The following MYO16 variants were observed in gnomAD, a reference collection of about 807,000 sequenced individuals.
The protein encoded by MYO16 is myosin XVI, also known as unconventional myosin-XVI.
A neutral mutation model predicts 205.3 loss-of-function variants in MYO16; 94 were observed. That is an observed-to-expected ratio of 0.46 (90% confidence interval 0.39 to 0.54). The LOEUF (loss-of-function observed/expected upper bound fraction) is 0.54, where lower values mean the gene tolerates loss of function less well. MYO16 is among the 20% of genes least tolerant of loss of function. The probability of loss-of-function intolerance (pLI) is 0.00; values close to 1 mark genes in which losing one functional copy is unlikely to be tolerated. For synonymous variants in MYO16, 988 were observed against 954.0 expected, an observed-to-expected ratio of 1.04 and a Z score of -0.66; for missense variants, 2,315 against 2,387.5, an observed-to-expected ratio of 0.97 and a Z score of 0.63.
At chr13:108,646,133 C>T (rs1338745221) in intron 1 of MYO16, among the ~76,000 whole-genome samples, 3 of 152,140 alleles carry the variant, frequency 2.0e-5, no homozygotes, top group Non-Finnish European at 2.9e-5. Flanking sequence ...AAAGTGGTAG[C>T]TCCCATGAAA....
chr13:109,115,493 A>G (rs1875636348), intron 28 of MYO16, among the ~76,000 whole-genome samples: 1 of 152,204 alleles, frequency 6.6e-6, no homozygotes, highest in African/African-American at 2.4e-5. Context: ...GCACAGGGAG[A>G]GGGCTCAGTT....
chr13:108,690,654 C>A (rs771777879), intron 2 of MYO16, among the ~76,000 whole-genome samples: 36 of 152,172 alleles, frequency 2.4e-4, no homozygotes, highest in Non-Finnish European at 4.3e-4. Flanking sequence ...AATATTTATG[C>A]AACCATTTGT....
chr13:108,584,894 C>T, the MYO16 span, among the ~76,000 whole-genome samples: 2 of 152,078 alleles, frequency 1.3e-5, no homozygotes, highest in African/African-American at 4.8e-5. Flanking sequence ...TTAGAGTTGG[C>T]CCAATAGAGG....
At chr13:108,590,571 G>T in the MYO16 span, among the ~76,000 whole-genome samples, 1 of 152,154 alleles carries the variant, frequency 6.6e-6, no homozygotes, top group African/African-American at 2.4e-5. Flanking sequence ...ATCTAGTTAA[G>T]ATCAAGTCAT....
At chr13:109,031,955 A>G (rs1886559190) in intron 23 of MYO16, among the ~76,000 whole-genome samples, 1 of 152,260 alleles carries the variant, frequency 6.6e-6, no homozygotes, top group Admixed American at 6.5e-5. Flanking sequence ...ACGGTGGCCT[A>G]GAAAGTGCCT....
At chr13:108,742,606 A>G (rs534820123) in intron 4 of MYO16, among the ~76,000 whole-genome samples, 47 of 152,208 alleles carry the variant, frequency 3.1e-4, no homozygotes, top group African/African-American at 1.1e-3. Context: ...TCTAGTTTTT[A>G]AAAAAACAAT....
chr13:109,019,925 A>G lies in MYO16; in HGVS notation c.2796+14A>G. 1 of 1,612,524 alleles carries G rather than the reference A, an allele frequency of 6.2e-7. No homozygotes were observed. The highest frequency in any genetic ancestry group is 8.5e-7 in the Non-Finnish European group (1 of 1,179,268). ...TACGCAGGAAGGGTAAGTGGCCAGA[A>G]CTGCATAATTTTTCATGTGCACTAA... On this transcript the variant is annotated intron_variant, in intron 23 of 34. Transcript: ENST00000457511.
At chr13:108,975,247 A>G (rs112970641) in intron 20 of MYO16, among the ~76,000 whole-genome samples, 1 of 150,524 alleles carries the variant, frequency 6.6e-6, no homozygotes, top group African/African-American at 2.5e-5. Context: ...CAATTTTCTC[A>G]TGTTTTGCTG....
chr13:109,003,251 C>T (rs1885276003), intron 21 of MYO16, among the ~76,000 whole-genome samples: 1 of 152,164 alleles, frequency 6.6e-6, no homozygotes, highest in South Asian at 2.1e-4. Context: ...AATCAGTCCA[C>T]AGGCTACTTG....
At chr13:109,163,597 CCT>C (rs995274073) in intron 32 of MYO16, among the ~76,000 whole-genome samples, 3 of 151,382 alleles carry the variant, frequency 2.0e-5, no homozygotes, top group African/African-American at 7.3e-5. Flanking sequence ...TCCTTCCCTC[CCT>C]GTCTCCTTCC....
chr13:108,627,299 A>G (rs994721325), upstream of MYO16, among the ~76,000 whole-genome samples: 2 of 152,168 alleles, frequency 1.3e-5, no homozygotes, highest in Non-Finnish European at 2.9e-5. Context: ...GGGAAATTAT[A>G]TGTAGATACA....
intron 22 of MYO16, among the ~76,000 whole-genome samples, chr13:109,009,760 T>C (rs1885529638): frequency 6.6e-6 from 1 of 152,238 alleles, no homozygotes; most frequent in Non-Finnish European, 1.5e-5. Flanking sequence ...AAGATAGATT[T>C]CTAAATTATT....
At chr13:108,982,457 G>A (rs546994988) in intron 20 of MYO16, among the ~76,000 whole-genome samples, 103 of 152,110 alleles carry the variant, frequency 6.8e-4, no homozygotes, top group Non-Finnish European at 1.0e-3. Flanking sequence ...GGGAGAAAAG[G>A]AACTGTACTA....
intron 7 of MYO16, among the ~76,000 whole-genome samples, chr13:108,807,973 CA>C (rs1418416174): frequency 1.3e-5 from 2 of 152,176 alleles, no homozygotes; most frequent in Admixed American, 6.5e-5. Flanking sequence ...GTGTCTATTG[CA>C]ATCTTTGGCT....
intron 1 of MYO16, among the ~76,000 whole-genome samples, chr13:108,634,894 C>A (rs1052457394): frequency 5.3e-5 from 8 of 152,180 alleles, no homozygotes; most frequent in Non-Finnish European, 8.8e-5. Flanking sequence ...ACATATGAAC[C>A]TTTAGCCCAG....
At chr13:108,589,671 T>C in the MYO16 span, among the ~76,000 whole-genome samples, 2 of 152,172 alleles carry the variant, frequency 1.3e-5, no homozygotes, top group Non-Finnish European at 2.9e-5. Flanking sequence ...TTGAACATTA[T>C]TGTCTTCTCT....
intron 15 of MYO16, 127 bp downstream of exon 15, chr13:108,898,260 C>A: frequency 2.7e-6 from 2 of 740,186 alleles, no homozygotes; most frequent in Non-Finnish European, 4.6e-6. Context: ...TTCTTCATGA[C>A]CGTGTCTGGA....
intron 4 of MYO16, among the ~76,000 whole-genome samples, chr13:108,738,249 C>T (rs1208466673): frequency 4.6e-5 from 7 of 152,104 alleles, no homozygotes; most frequent in African/African-American, 9.7e-5. Flanking sequence ...TTAGATCTTT[C>T]CTGCTTTCTC....
At chr13:109,089,656 A>G (rs1888558188) in intron 27 of MYO16, among the ~76,000 whole-genome samples, 2 of 152,204 alleles carry the variant, frequency 1.3e-5, no homozygotes, top group African/African-American at 4.8e-5. Flanking sequence ...TTGACTCAAG[A>G]TCCTACAGTC....
Sources: gnomAD v4.1 joint callset for allele counts (sites outside exome capture counted in the v4.1 genomes callset) on GRCh38, gnomAD v4.1.1 for gene constraint, MANE v1.5 for transcripts, NCBI Gene and HGNC (gene_info 2026-07-23, HGNC 2026-07-21) for gene names.